The following GLIS3 variants were observed in gnomAD, a reference collection of about 807,000 sequenced individuals.
The protein encoded by GLIS3 is GLIS family zinc finger 3.
In GLIS3, 53 loss-of-function variants were observed where a neutral mutation model predicts 78.6. The observed-to-expected ratio is 0.67, with a 90% CI of 0.54 to 0.85. The LOEUF (loss-of-function observed/expected upper bound fraction) is 0.85. GLIS3 is among the 40% of genes least tolerant of loss of function. The pLI is 0.00. For synonymous variants in GLIS3, 684 were observed against 509.9 expected (o/e 1.34, Z -4.60); for missense variants, 1,703 against 1,231.1 (o/e 1.38, Z -5.74).
chr9:4,135,147 A>G (rs1260570517), intron 2 of GLIS3, among the ~76,000 whole-genome samples: 1 of 152,204 alleles, frequency 6.6e-6, no homozygotes, highest in African/African-American at 2.4e-5. Context: ...AGCTTAACAC[A>G]TGTCAAAGCG....
At chr9:4,395,779 T>TC in the GLIS3 span, among the ~76,000 whole-genome samples, 2,111 of 121,542 alleles carry the variant, frequency 0.017, 52 homozygotes, top group African/African-American at 0.072. Context: ...CTTTTTTTCT[T>TC]TTTTTTTTTT....
At chr9:4,258,854 T>G (rs577461184) in intron 2 of GLIS3, among the ~76,000 whole-genome samples, 2 of 152,338 alleles carry the variant, frequency 1.3e-5, no homozygotes, top group East Asian at 1.9e-4. Flanking sequence ...TTCTTTCTTT[T>G]CTCATTTATC....
intron 6 of GLIS3, among the ~76,000 whole-genome samples, chr9:3,926,278 T>G (rs1825243644): frequency 6.9e-6 from 1 of 144,880 alleles, no homozygotes; most frequent in South Asian, 2.3e-4. Flanking sequence ...TCACCCACAC[T>G]AGAGTGCAGT....
chr9:4,335,801 A>G (rs1264170446), intron 2 of GLIS3, among the ~76,000 whole-genome samples: 1 of 152,192 alleles, frequency 6.6e-6, no homozygotes, highest in Non-Finnish European at 1.5e-5. Context: ...GAATTGCCCC[A>G]GGGTCCTTCC....
At chr9:4,298,838 C>G (rs1816849729) in intron 1 of GLIS3, among the ~76,000 whole-genome samples, 1 of 152,172 alleles carries the variant, frequency 6.6e-6, no homozygotes, top group Non-Finnish European at 1.5e-5. Context: ...GCCCGACCAC[C>G]TCCCGCAATC....
intron 9 of GLIS3, among the ~76,000 whole-genome samples, chr9:3,843,581 GTATT>G (rs1339983349): frequency 6.6e-6 from 1 of 152,152 alleles, no homozygotes; most frequent in Non-Finnish European, 1.5e-5. Flanking sequence ...CATCCAACAA[GTATT>G]TATTGGGCAA....
At chr9:4,367,681 CTG>C in the GLIS3 span, among the ~76,000 whole-genome samples, 2 of 145,610 alleles carry the variant, frequency 1.4e-5, no homozygotes, top group Non-Finnish European at 3.0e-5. Flanking sequence ...AGCAGATACT[CTG>C]TCATTCTGTC....
chr9:4,411,721 G>A, the GLIS3 span, among the ~76,000 whole-genome samples: 1 of 152,102 alleles, frequency 6.6e-6, no homozygotes, highest in African/African-American at 2.4e-5. Context: ...CACAGCTCAT[G>A]CTCCCAAAGA....
At position 3,828,048 on chromosome 9, in the gene GLIS3, T is replaced by G; in HGVS notation, c.*224A>C. 1.7e-6 allele frequency: 1 copy of G among 582,026 alleles called. No individual in the cohort carries two copies. Among genetic ancestry groups the G allele is most frequent in the Non-Finnish European group, 3.1e-6 (1 of 327,508 alleles). The allele number at this position is 582,026 out of a possible 1,614,324, so 36.1% of individuals were successfully genotyped here. A position where few individuals can be genotyped will look rare whatever the true frequency, so the allele number is the denominator to read the frequency against. ...ATTCCCTTTGAAAAGACAGTCCTCC[T>G]GGTCACATAGTCCAGGAAAACCAGA... On this transcript the variant is annotated 3_prime_UTR_variant, in exon 11 of 11. Coordinates refer to ENST00000381971, the MANE Select transcript of GLIS3 (RefSeq NM_001042413.2).
At chr9:4,295,468 T>C (rs1464939829) in intron 1 of GLIS3, among the ~76,000 whole-genome samples, 1 of 152,158 alleles carries the variant, frequency 6.6e-6, no homozygotes, top group Admixed American at 6.5e-5. Flanking sequence ...GGAGTCCAAA[T>C]TATTTGACCT....
chr9:4,197,530 G>A (rs1036220423), intron 2 of GLIS3, among the ~76,000 whole-genome samples: 43 of 152,120 alleles, frequency 2.8e-4, no homozygotes, highest in Admixed American at 2.6e-3. Flanking sequence ...TCCATGCCTA[G>A]GCACATATCT....
At chr9:4,296,250 T>C (rs547690435) in intron 1 of GLIS3, among the ~76,000 whole-genome samples, 3 of 146,188 alleles carry the variant, frequency 2.1e-5, no homozygotes, top group Non-Finnish European at 4.5e-5. Flanking sequence ...AAAGAATGAA[T>C]GTCCTCAGGC....
the GLIS3 span, among the ~76,000 whole-genome samples, chr9:4,455,984 C>A: frequency 6.6e-6 from 1 of 151,974 alleles, no homozygotes; most frequent in Admixed American, 6.6e-5. Flanking sequence ...TGTGGTGTTG[C>A]ACACTCCTAG....
chr9:4,121,654 CA>C (rs1832194909), intron 3 of GLIS3, among the ~76,000 whole-genome samples: 9 of 151,462 alleles, frequency 5.9e-5, no homozygotes, highest in African/African-American at 1.7e-4. Context: ...CACACACACA[CA>C]CACACACCCC....
At chr9:3,894,601 C>T (rs1359238357) in intron 7 of GLIS3, among the ~76,000 whole-genome samples, 1 of 151,868 alleles carries the variant, frequency 6.6e-6, no homozygotes, top group Admixed American at 6.6e-5. Context: ...AGAGAGAAGC[C>T]GTCACCTCCC....
intron 4 of GLIS3, among the ~76,000 whole-genome samples, chr9:3,991,938 C>T (rs961278273): frequency 1.5e-4 from 23 of 152,098 alleles, no homozygotes; most frequent in Middle Eastern, 3.2e-3. Context: ...GATCCGCCCG[C>T]CTCGGCCTCC....
the GLIS3 span, among the ~76,000 whole-genome samples, chr9:4,456,446 T>C: frequency 2.6e-5 from 4 of 152,228 alleles, no homozygotes; most frequent in East Asian, 7.7e-4. Flanking sequence ...GTGTTGTGAC[T>C]GATTTGATCA....
the GLIS3 span, among the ~76,000 whole-genome samples, chr9:4,363,732 T>C: frequency 6.6e-6 from 1 of 152,150 alleles, no homozygotes; most frequent in Non-Finnish European, 1.5e-5. Flanking sequence ...GTCTTTGCTC[T>C]ACCCATAGAA....
At chr9:4,353,620 A>G in the GLIS3 span, among the ~76,000 whole-genome samples, 1 of 152,174 alleles carries the variant, frequency 6.6e-6, no homozygotes, top group South Asian at 2.1e-4. Flanking sequence ...TCCAAAGTCA[A>G]GAAGTTACCC....
Sources: allele counts gnomAD v4.1 joint callset (sites outside exome capture counted in the v4.1 genomes callset), GRCh38; gene constraint gnomAD v4.1.1; transcripts MANE v1.5; gene names NCBI Gene and HGNC (gene_info 2026-07-23, HGNC 2026-07-21).